PARD3B: variants seen among roughly 807,000 people sequenced by gnomAD.
PARD3B encodes the protein partitioning defective 3 homolog B.
Under a neutral mutation model 130.2 loss-of-function variants are expected in PARD3B, and 103 were observed. The ratio of observed to expected loss-of-function variants is 0.79; its 90% confidence interval spans 0.67 to 0.93. The LOEUF is 0.93. Ranked by LOEUF, PARD3B falls within the 40% of genes least tolerant of loss-of-function variation. The pLI is 0.00. For missense variants in PARD3B, 1,609 were observed against 1,499.2 expected, an observed-to-expected ratio of 1.07 and a Z score of -1.21; for synonymous variants, 583 against 553.2, an observed-to-expected ratio of 1.05 and a Z score of -0.76.
In PARD3B at chr2:205,288,572, G is replaced by T. The variant is rs2041483128; in HGVS notation, c.2186-11958G>T. Among the ~76,000 whole-genome samples the T allele has an allele frequency of 6.6e-6, 1 of 152,080 alleles. No individual in the cohort carries two copies. The highest frequency in any genetic ancestry group is 1.9e-4 in the East Asian group (1 of 5,192). ...TCTATTGTCCCCTAATTTGGGCCTT[G>T]CCTTCTTAGCCAGATTTCAAAGCCC... On this transcript the variant is annotated intron_variant, in intron 16 of 22. Transcript: ENST00000406610. The surrounding 1 kb of genome is among the most constrained non-coding windows in gnomAD (Gnocchi z 4.0).
intron 15 of PARD3B, among the ~76,000 whole-genome samples, chr2:205,216,801 G>A (rs1374145920): frequency 6.6e-6 from 1 of 152,040 alleles, no homozygotes; most frequent in Admixed American, 6.6e-5. Context: ...CAATGCTCAG[G>A]GATCCGTACC....
At chr2:205,232,082 C>A (rs1417503849) in intron 15 of PARD3B, among the ~76,000 whole-genome samples, 2 of 152,158 alleles carry the variant, frequency 1.3e-5, no homozygotes, top group Admixed American at 6.5e-5. Context: ...TATAGTCCTG[C>A]CTAGCAGATC....
rs1047891222 is a variant in PARD3B at position 204,562,685 on chromosome 2, A to G, written c.120+16566A>G. Among the ~76,000 whole-genome samples, 12 of 152,182 alleles carry G rather than the reference A, an allele frequency of 7.9e-5. 1 individual carries two copies. The highest frequency in any genetic ancestry group is 1.6e-4 in the Non-Finnish European group (11 of 68,032). On this transcript the variant is annotated intron_variant, in intron 1 of 22. Coordinates refer to ENST00000406610, the MANE Select transcript of PARD3B (RefSeq NM_001302769.2). ...TGTAGCAAAGAGATGAGGAAGTGTA[A>G]GATGGATAAATAATCCTTGCCTCTG...
At chr2:204,658,681 G>A (rs2035711567) in intron 1 of PARD3B, among the ~76,000 whole-genome samples, 3 of 151,938 alleles carry the variant, frequency 2.0e-5, no homozygotes, top group Admixed American at 1.3e-4. Flanking sequence ...CCATATAGAT[G>A]TTGTTTTCAT....
intron 2 of PARD3B, among the ~76,000 whole-genome samples, chr2:204,868,297 T>C (rs1488306401): frequency 6.6e-6 from 1 of 152,204 alleles, no homozygotes; most frequent in Non-Finnish European, 1.5e-5. Flanking sequence ...ATCTTTATTT[T>C]ATTTAACCTT....
intron 3 of PARD3B, among the ~76,000 whole-genome samples, chr2:204,975,606 A>T (rs780407371): frequency 2.1e-4 from 32 of 152,114 alleles, no homozygotes; most frequent in Non-Finnish European, 3.8e-4. Context: ...TTATTTTTTC[A>T]CTGAGTACTG....
chr2:204,715,777 A>G lies in PARD3B; in HGVS notation c.222+29495A>G, dbSNP rs151226419. Among the ~76,000 whole-genome samples the G allele has an allele frequency of 8.5e-5, 13 of 152,238 alleles. No individual in the cohort carries two copies. The East Asian group carries it at 2.5e-3, about 29-fold the overall frequency. Reference sequence around the variant, plus strand: ...CTTCTTTCTCCCTTTACTGCCAGTTATACTCCCGTACATCTTCTGTGAATC... The same window carrying G: ...CTTCTTTCTCCCTTTACTGCCAGTTGTACTCCCGTACATCTTCTGTGAATC... On this transcript the variant is annotated intron_variant, in intron 2 of 22. Coordinates refer to ENST00000406610, the MANE Select transcript of PARD3B (RefSeq NM_001302769.2).
In PARD3B at chr2:205,027,942, A is replaced by G. The variant is rs190327336; in HGVS notation, c.395-19639A>G. On this transcript the variant is annotated intron_variant, in intron 3 of 22. Coordinates refer to ENST00000406610, the MANE Select transcript of PARD3B (RefSeq NM_001302769.2). ...GTCAATGTGTCTTGTTTTTATGCCA[A>G]TACCATACTGTTTTATTACTGTGGC... Among the ~76,000 whole-genome samples the G allele has an allele frequency of 3.7e-4, 56 of 152,198 alleles. No individual in the cohort carries two copies. In the East Asian group the frequency reaches 8.9e-3, roughly 24 times the overall value.
intron 20 of PARD3B, among the ~76,000 whole-genome samples, chr2:205,490,107 T>C (rs576382284): frequency 2.6e-4 from 39 of 152,266 alleles, no homozygotes; most frequent in African/African-American, 8.9e-4. Flanking sequence ...GAAGTGGGCC[T>C]TTATTTCTTT....
Position 205,076,701 on chromosome 2 carries a change from G to T in PARD3B, c.505-27725G>T, listed in dbSNP as rs190936125. Reference sequence around the variant, plus strand: ...CTATTGTGAACTGTGGATCTAGGTTGTACGCTCCTTACGAGAATCTAACTA... The same window carrying T: ...CTATTGTGAACTGTGGATCTAGGTTTTACGCTCCTTACGAGAATCTAACTA... On this transcript the variant is annotated intron_variant, in intron 4 of 22. Coordinates refer to ENST00000406610, the MANE Select transcript of PARD3B (RefSeq NM_001302769.2). 2.6e-5 allele frequency among the ~76,000 whole-genome samples: 4 copies of T among 152,210 alleles called. No homozygotes were observed. In the East Asian group the frequency reaches 7.7e-4, roughly 29 times the overall value.
rs769224284 is a variant in PARD3B, at chr2:205,460,068, C to T, written c.3044+19396C>T. Among the ~76,000 whole-genome samples, 4 of 151,996 alleles carry T rather than the reference C, an allele frequency of 2.6e-5. No individual in the cohort carries two copies. The highest frequency in any genetic ancestry group is 6.6e-5 in the Admixed American group (1 of 15,234). ...TTCAGAAACTAGGAACATTACAGTA[C>T]CAGAAGACTTGGATGTGCTTAATTC... On this transcript the variant is annotated intron_variant, in intron 20 of 22. Transcript: ENST00000406610. The surrounding 1 kb of genome is among the most constrained non-coding windows in gnomAD (Gnocchi z 4.9).
chr2:205,023,297 T>A (rs1696762232), intron 3 of PARD3B, among the ~76,000 whole-genome samples: 1 of 152,080 alleles, frequency 6.6e-6, no homozygotes, highest in Non-Finnish European at 1.5e-5. Context: ...CACAGCACAA[T>A]GTCGATTAAA....
chr2:204,814,717 TC>T (rs1185378441), intron 2 of PARD3B, among the ~76,000 whole-genome samples: 4 of 151,858 alleles, frequency 2.6e-5, no homozygotes, highest in Admixed American at 2.0e-4. Flanking sequence ...GATCCCTTTT[TC>T]CAGTTTCCTT....
In PARD3B at chr2:205,461,518, G is replaced by C. The variant is rs1471699654; in HGVS notation, c.3044+20846G>C. ...TCAGCTTACCCATGGTTCTCCAGCT[G>C]TCCAGGGACATGCACCCTCTACCTC... On this transcript the variant is annotated intron_variant, in intron 20 of 22. Coordinates refer to ENST00000406610, the MANE Select transcript of PARD3B (RefSeq NM_001302769.2). The surrounding 1 kb of genome is among the most constrained non-coding windows in gnomAD (Gnocchi z 4.3). Among the ~76,000 whole-genome samples, 2 of 152,188 alleles carry C rather than the reference G, an allele frequency of 1.3e-5. No homozygotes were observed. Among genetic ancestry groups the C allele is most frequent in the East Asian group, 3.8e-4 (2 of 5,196 alleles).
chr2:205,008,361 T>G (rs1695446013), intron 3 of PARD3B, among the ~76,000 whole-genome samples: 1 of 152,114 alleles, frequency 6.6e-6, no homozygotes, highest in Non-Finnish European at 1.5e-5. Context: ...AGGAAAGTTT[T>G]AGGCTTCCTT....
chr2:204,765,970 C>T (rs556479279), intron 2 of PARD3B, among the ~76,000 whole-genome samples: 8 of 152,254 alleles, frequency 5.3e-5, no homozygotes, highest in African/African-American at 1.7e-4. Context: ...TAATGGTTTC[C>T]TGTATTACTT....
chr2:205,241,048 G>A lies in PARD3B; in HGVS notation c.2141-4730G>A, dbSNP rs548185749. 3.3e-5 allele frequency among the ~76,000 whole-genome samples: 5 copies of A among 152,234 alleles called. No individual in the cohort carries two copies. The highest frequency in any genetic ancestry group is 1.2e-4 in the African/African-American group (5 of 41,560). ...TGAACTGGTTGAAATTAAGTGAAAAGACACAGACTGTTTATTTATGCTTTT... is the reference window on the plus strand; with the variant it reads ...TGAACTGGTTGAAATTAAGTGAAAAAACACAGACTGTTTATTTATGCTTTT... On this transcript the variant is annotated intron_variant, in intron 15 of 22. Coordinates refer to ENST00000406610, the MANE Select transcript of PARD3B (RefSeq NM_001302769.2). The surrounding 1 kb of genome is among the most constrained non-coding windows in gnomAD (Gnocchi z 4.2).
At chr2:204,779,273 A>G (rs1371467986) in intron 2 of PARD3B, among the ~76,000 whole-genome samples, 1 of 152,082 alleles carries the variant, frequency 6.6e-6, no homozygotes. Context: ...GCGAACAGGG[A>G]TTATGTTCTA....
intron 18 of PARD3B, among the ~76,000 whole-genome samples, chr2:205,304,951 T>G (rs1170317637): frequency 6.6e-6 from 1 of 151,948 alleles, no homozygotes; most frequent in Admixed American, 6.6e-5. Flanking sequence ...TCTCAAAAAA[T>G]TAAAATTAAA....
Sources: gnomAD v4.1 joint callset for allele counts (sites outside exome capture counted in the v4.1 genomes callset) on GRCh38, gnomAD v4.1.1 for gene constraint, Gnocchi (gnomAD v3.1) non-coding constraint, MANE v1.5 for transcripts, NCBI Gene and HGNC (gene_info 2026-07-23, HGNC 2026-07-21) for gene names.